The following TRPV2 variants were observed in gnomAD, a reference collection of about 807,000 sequenced individuals.
The protein encoded by TRPV2 is transient receptor potential cation channel subfamily V member 2.
In TRPV2, 58 loss-of-function variants were observed where a neutral mutation model predicts 91.0. The observed-to-expected ratio is 0.64, with a 90% CI of 0.52 to 0.79. TRPV2 has a LOEUF of 0.79. Ranked by LOEUF, TRPV2 falls within the 30% of genes least tolerant of loss-of-function variation. The probability of loss-of-function intolerance (pLI) is 0.00; values close to 1 mark genes in which losing one functional copy is unlikely to be tolerated. For missense variants in TRPV2, 807 were observed against 969.6 expected (o/e 0.83, Z 2.23); for synonymous variants, 417 against 414.8 (o/e 1.01, Z -0.06).
chr17:16,415,872 C>T lies in TRPV2; in HGVS notation c.-108+39C>T, dbSNP rs1198374653. On this transcript the variant is annotated intron_variant, in intron 1 of 14. Coordinates refer to ENST00000338560, the MANE Select transcript of TRPV2 (RefSeq NM_016113.5). The surrounding 1 kb of genome is among the most constrained non-coding windows in gnomAD (Gnocchi z 4.5). ...CAATGCTGGGGACGTTGGAGGGGGCCGGGTCTCCAAGCCTGACAGTGAATG... is the reference window on the plus strand; with the variant it reads ...CAATGCTGGGGACGTTGGAGGGGGCTGGGTCTCCAAGCCTGACAGTGAATG... 2 of 152,318 alleles carry T rather than the reference C, an allele frequency of 1.3e-5. No individual in the cohort carries two copies. Among genetic ancestry groups the T allele is most frequent in the Non-Finnish European group, 2.9e-5 (2 of 68,236 alleles). 9.4% of individuals were successfully genotyped at this position (152,318 alleles called of 1,614,324 possible).
intron 10 of TRPV2, among the ~76,000 whole-genome samples, chr17:16,431,287 A>T (rs2093410526): frequency 9.4e-4 from 24 of 25,434 alleles, no homozygotes; most frequent in African/African-American, 3.2e-3. Flanking sequence ...ATATATATAT[A>T]CATATTTTTT....
At position 16,436,910 on chromosome 17, in the gene TRPV2, G is replaced by A. The variant is rs777379985; in HGVS notation, c.*21G>A. On this transcript the variant is annotated 3_prime_UTR_variant, in exon 15 of 15. Coordinates refer to ENST00000338560, the MANE Select transcript of TRPV2 (RefSeq NM_016113.5). ...ACTGATGGCCCAGATGCAGCAGGAG[G>A]CCAGAGGACAGAGCAGAGGATCTTT... The A allele has an allele frequency of 4.4e-6, 7 of 1,591,982 alleles. No individual in the cohort carries two copies. Among genetic ancestry groups the A allele is most frequent in the Non-Finnish European group, 6.0e-6 (7 of 1,159,946 alleles).
chr17:16,429,270 A>T (rs553511925), intron 10 of TRPV2, among the ~76,000 whole-genome samples: 12 of 152,306 alleles, frequency 7.9e-5, no homozygotes, highest in African/African-American at 2.6e-4. Flanking sequence ...GCTCATCTGC[A>T]TGTCTGTGTC....
Position 16,417,840 on chromosome 17 carries a change from C to T in TRPV2, c.172C>T (p.Leu58Phe). The change falls in exon 2 of 15, where the codon CTC becomes TTC. Residue 58 changes from leucine to phenylalanine, a missense_variant. Transcript: ENST00000338560. ...ATTCGCCCCTCAGATAAGAGTCAAC[C>T]TCAACTACCGAAAGGGAACAGGTGC... ...RKFAPQIRVN[L>F]NYRKGTGASQ... The T allele has an allele frequency of 6.2e-7, 1 of 1,614,138 alleles. No individual in the cohort carries two copies. Among genetic ancestry groups the T allele is most frequent in the Non-Finnish European group, 8.5e-7 (1 of 1,179,994 alleles).
At chr17:16,433,871 C>T (rs2093424156) in intron 13 of TRPV2, among the ~76,000 whole-genome samples, 173 bp downstream of exon 13, 1 of 152,246 alleles carries the variant, frequency 6.6e-6, no homozygotes, top group Non-Finnish European at 1.5e-5. Context: ...ATCTCACAAG[C>T]CATGGCTGCC....
At chr17:16,434,526 A>C (rs1443595041) in intron 13 of TRPV2, among the ~76,000 whole-genome samples, 1 of 151,890 alleles carries the variant, frequency 6.6e-6, no homozygotes, top group Non-Finnish European at 1.5e-5. Context: ...GTCGTGAGGC[A>C]GCAGATGAGC....
At chr17:16,420,338 A>C (rs1312133624) in intron 3 of TRPV2, 90 bp downstream of exon 3, 7 of 1,476,304 alleles carry the variant, frequency 4.7e-6, no homozygotes, top group East Asian at 4.7e-5. Flanking sequence ...TCAGGAGCTG[A>C]GGAGTGAGTG....
intron 3 of TRPV2, among the ~76,000 whole-genome samples, chr17:16,422,196 G>A (rs561260544): frequency 1.4e-4 from 21 of 151,844 alleles, no homozygotes; most frequent in Non-Finnish European, 2.5e-4. Flanking sequence ...GGCGGTGTGC[G>A]CCTGTGGTCC....
Position 16,426,417 on chromosome 17 carries a change from C to T in TRPV2, c.1095+148C>T, listed in dbSNP as rs1340247485. ...CATGTCCCAGCAGGCACGACCCTGA[C>T]CATGGCCACCGGGCCCATACTCAAT... On this transcript the variant is annotated intron_variant, in intron 6 of 14. Transcript: ENST00000338560. The surrounding 1 kb of genome is among the most constrained non-coding windows in gnomAD (Gnocchi z 6.0). 1 of 1,022,460 alleles carries T rather than the reference C, an allele frequency of 9.8e-7. No homozygotes were observed. The highest frequency in any genetic ancestry group is 1.4e-6 in the Non-Finnish European group (1 of 706,860). 63.3% of individuals were successfully genotyped at this position (1,022,460 alleles called of 1,614,324 possible). A position where few individuals can be genotyped will look rare whatever the true frequency, so the allele number is the denominator to read the frequency against.
chr17:16,418,023 G>C (rs1041322244), intron 2 of TRPV2, among the ~76,000 whole-genome samples, 155 bp downstream of exon 2: 72 of 152,330 alleles, frequency 4.7e-4, no homozygotes, highest in Admixed American at 3.3e-3. Context: ...GGCCCGACAG[G>C]CTGCCTCTGC....
chr17:16,425,814 G>A (rs2093380287), intron 5 of TRPV2, among the ~76,000 whole-genome samples: 1 of 152,222 alleles, frequency 6.6e-6, no homozygotes, highest in Non-Finnish European at 1.5e-5. Flanking sequence ...GGACCCCAGG[G>A]CTAGGGATCA....
rs1197120227 is a variant in TRPV2, at chr17:16,427,370, GC to G, written c.1252-76del. 21 of 1,370,050 alleles carry G rather than the reference GC, an allele frequency of 1.5e-5. No individual in the cohort carries two copies. The South Asian group carries it at 2.4e-4, about 16-fold the overall frequency. 84.9% of individuals were successfully genotyped at this position (1,370,050 alleles called of 1,614,324 possible). ...TCTCCACAGCTCAGGCTCAGAGTAG[GC>G]CCTCAGCTTCAGCTCTGAAGGGTGA... On this transcript the variant is annotated intron_variant, in intron 7 of 14. Transcript: ENST00000338560.
intron 13 of TRPV2, 37 bp from the exon 14 acceptor site, chr17:16,434,853 A>G (rs1389764500): frequency 6.2e-7 from 1 of 1,602,388 alleles, no homozygotes; most frequent in East Asian, 2.3e-5. Flanking sequence ...GAGGCGGTCA[A>G]AGCAGGCAAA....
intron 14 of TRPV2, among the ~76,000 whole-genome samples, chr17:16,436,026 A>AG (rs2093432563): frequency 6.6e-6 from 1 of 152,144 alleles, no homozygotes; most frequent in African/African-American, 2.4e-5. Context: ...CTGCCCCAGC[A>AG]GGTCACATGT....
chr17:16,425,111 G>A (rs901604230), intron 5 of TRPV2, among the ~76,000 whole-genome samples: 6 of 141,860 alleles, frequency 4.2e-5, no homozygotes, highest in African/African-American at 1.3e-4. Context: ...TGCAACCTCC[G>A]CCTCCGGAGT....
chr17:16,428,381 T>C lies in TRPV2; in HGVS notation c.1415T>C (p.Ile472Thr). Residue 472 changes from isoleucine to threonine, a missense_variant, in exon 9 of 15, where the codon ATC becomes ACC. Ile to Thr is a moderately conservative substitution (Grantham distance 89). Coordinates refer to ENST00000338560, the MANE Select transcript of TRPV2 (RefSeq NM_016113.5). ...WISFIDSYFE[I>T]LFLFQALLTV... ...TCGTTCATAGACAGCTACTTTGAAA[T>C]CCTCTTGTACGTGGGTTCTCACTCC... 1 of 1,614,166 alleles carries C rather than the reference T, an allele frequency of 6.2e-7. No homozygotes were observed. The highest frequency in any genetic ancestry group is 8.5e-7 in the Non-Finnish European group (1 of 1,180,020).
Position 16,422,437 on chromosome 17 carries a change from C to G in TRPV2, c.335-162C>G, listed in dbSNP as rs191536681. On this transcript the variant is annotated intron_variant, in intron 3 of 14. Coordinates refer to ENST00000338560, the MANE Select transcript of TRPV2 (RefSeq NM_016113.5). ...GTATTTCTTATCTGTTACTTGGAGC[C>G]TTAATAGCCTATAACATGGTTGTGC... 2.9e-3 allele frequency among the ~76,000 whole-genome samples: 443 copies of G among 152,290 alleles called. 2 individuals carry two copies. The highest frequency in any genetic ancestry group is 0.01 in the African/African-American group (431 of 41,562).
intron 2 of TRPV2, 88 bp from the exon 3 acceptor site, chr17:16,420,027 C>A: frequency 6.5e-7 from 1 of 1,548,376 alleles, no homozygotes; most frequent in South Asian, 1.2e-5. Flanking sequence ...GTGTACAGGA[C>A]TCCCTGAAAG....
intron 5 of TRPV2, among the ~76,000 whole-genome samples, chr17:16,425,554 C>T (rs1031616053): frequency 1.2e-4 from 18 of 152,150 alleles, no homozygotes; most frequent in Non-Finnish European, 2.9e-5. Context: ...TTTCGCTGCC[C>T]TCCCAAGTTT....
Sources: gnomAD v4.1 joint callset for allele counts (sites outside exome capture counted in the v4.1 genomes callset) on GRCh38, gnomAD v4.1.1 for gene constraint, Gnocchi (gnomAD v3.1) non-coding constraint, MANE v1.5 for transcripts, NCBI Gene and HGNC (gene_info 2026-07-23, HGNC 2026-07-21) for gene names.